Variants in ROR1 observed in about 807,000 individuals in gnomAD.
ROR1 encodes ROR family WNT receptor 1.
A neutral mutation model predicts 78.8 loss-of-function variants in ROR1; 19 were observed. The observed-to-expected ratio is 0.24, with a 90% confidence interval of 0.17 to 0.35. The LOEUF (loss-of-function observed/expected upper bound fraction) is 0.35. ROR1 is among the 10% of genes least tolerant of loss of function. The pLI, the probability that ROR1 is intolerant of heterozygous loss-of-function variation, is 1.00. For missense variants in ROR1, 917 were observed against 1,177.8 expected (o/e 0.78, Z 3.24); for synonymous variants, 386 against 433.6 (o/e 0.89, Z 1.36).
chr1:64,030,121 T>C (rs1646647633), intron 2 of ROR1, among the ~76,000 whole-genome samples: 1 of 152,178 alleles, frequency 6.6e-6, no homozygotes, highest in Admixed American at 6.5e-5. Flanking sequence ...CTTAATATGC[T>C]CCCAGTTTGC....
intron 1 of ROR1, among the ~76,000 whole-genome samples, chr1:63,957,993 C>T (rs921006938): frequency 5.9e-5 from 9 of 152,096 alleles, no homozygotes; most frequent in East Asian, 1.9e-4. Flanking sequence ...CTGCCTGCCT[C>T]GGCCTCTCAA....
Position 63,900,777 on chromosome 1 carries a change from G to A in ROR1, c.92-108528G>A, listed in dbSNP as rs114755154. Among the ~76,000 whole-genome samples, 973 of 151,878 alleles carry A rather than the reference G, an allele frequency of 6.4e-3. 8 individuals carry two copies. Among genetic ancestry groups the A allele is most frequent in the African/African-American group, 0.023 (934 of 41,404 alleles). ...GCATTATATATTAATTTAACATCTT[G>A]CTGTATGTATCTGTTTTGAAATGTA... is the stretch of plus-strand genomic sequence containing the variant. On this transcript the variant is annotated intron_variant, in intron 1 of 8. Transcript: ENST00000371079.
At chr1:64,155,365 G>T (rs182341174) in intron 7 of ROR1, among the ~76,000 whole-genome samples, 20 of 152,336 alleles carry the variant, frequency 1.3e-4, no homozygotes, top group African/African-American at 4.8e-4. Context: ...GCTGTGTAGG[G>T]AAGGAAGCAC....
intron 1 of ROR1, among the ~76,000 whole-genome samples, chr1:63,823,215 GT>G (rs1352290723): frequency 2.6e-5 from 4 of 151,736 alleles, no homozygotes; most frequent in Non-Finnish European, 4.4e-5. Context: ...TCTTTCCTTG[GT>G]CCCTCCCAAT....
intron 1 of ROR1, among the ~76,000 whole-genome samples, chr1:63,986,923 A>G (rs1646257805): frequency 1.3e-5 from 2 of 152,064 alleles, no homozygotes; most frequent in Admixed American, 1.3e-4. Context: ...AAAGAAAAGA[A>G]GTGTGACCAT....
intron 1 of ROR1, among the ~76,000 whole-genome samples, chr1:63,992,857 T>TCCTCTTCTTCCTG (rs1193000313): frequency 6.6e-6 from 1 of 152,136 alleles, no homozygotes; most frequent in Admixed American, 6.5e-5. Context: ...GTTCTCCTCC[T>TCCTCTTCTTCCTG]CCTCTTCTTC....
intron 1 of ROR1, among the ~76,000 whole-genome samples, chr1:63,826,428 CT>C (rs1644953914): frequency 2.6e-5 from 4 of 152,094 alleles, no homozygotes; most frequent in African/African-American, 9.7e-5. Flanking sequence ...TGATCTCATT[CT>C]TTTTTAGGGC....
At chr1:63,776,481 A>C (rs762651351) in intron 1 of ROR1, among the ~76,000 whole-genome samples, 16 of 152,208 alleles carry the variant, frequency 1.1e-4, no homozygotes, top group South Asian at 2.1e-4. Flanking sequence ...TGATGGGTAC[A>C]TGACTGGGGG....
intron 4 of ROR1, among the ~76,000 whole-genome samples, chr1:64,125,706 A>C (rs965218664): frequency 1.3e-5 from 2 of 152,186 alleles, no homozygotes; most frequent in African/African-American, 4.8e-5. Context: ...CGCCTAGTGC[A>C]CTTAAGAAAT....
intron 1 of ROR1, among the ~76,000 whole-genome samples, chr1:63,915,445 C>T (rs944340699): frequency 2.6e-5 from 4 of 152,078 alleles, no homozygotes; most frequent in Admixed American, 2.6e-4. Context: ...GAGGAGTGGG[C>T]AGGGTTTTTA....
At chr1:63,934,630 T>C (rs1645779647) in intron 1 of ROR1, among the ~76,000 whole-genome samples, 1 of 152,252 alleles carries the variant, frequency 6.6e-6, no homozygotes, top group Non-Finnish European at 1.5e-5. Context: ...AGGCGGAATC[T>C]AATTTAACAC....
chr1:63,900,578 A>G (rs1645477430), intron 1 of ROR1, among the ~76,000 whole-genome samples: 1 of 152,014 alleles, frequency 6.6e-6, no homozygotes, highest in Non-Finnish European at 1.5e-5. Flanking sequence ...CCCCCATCCC[A>G]TGGATTAGGA....
At chr1:64,165,701 C>CTTTTTTTTTTTTTT (rs576997668) in intron 8 of ROR1, among the ~76,000 whole-genome samples, 2 of 102,920 alleles carry the variant, frequency 1.9e-5, no homozygotes, top group Non-Finnish European at 1.9e-5. Flanking sequence ...TCGGGTTTTA[C>CTTTTTTTTTTTTTT]TTTTTTTTTT....
chr1:64,043,327 C>T (rs1012250069), intron 2 of ROR1, among the ~76,000 whole-genome samples: 1 of 152,198 alleles, frequency 6.6e-6, no homozygotes, highest in African/African-American at 2.4e-5. Flanking sequence ...TTTACTTCAT[C>T]AACCAGCGTT....
At chr1:64,115,382 A>T (rs1294150059) in intron 4 of ROR1, among the ~76,000 whole-genome samples, 1 of 151,972 alleles carries the variant, frequency 6.6e-6, no homozygotes, top group Non-Finnish European at 1.5e-5. Context: ...TGCCTGGCTA[A>T]TTTTTAATTT....
At chr1:63,836,133 C>A (rs1007127554) in intron 1 of ROR1, among the ~76,000 whole-genome samples, 3 of 152,148 alleles carry the variant, frequency 2.0e-5, no homozygotes, top group Admixed American at 2.0e-4. Flanking sequence ...GGGGTCAGGA[C>A]CATTTTGAAC....
rs529818761 is a variant in ROR1, at chr1:63,877,136, T to C, written c.91+102628T>C. On this transcript the variant is annotated intron_variant, in intron 1 of 8. Coordinates refer to ENST00000371079, the MANE Select transcript of ROR1 (RefSeq NM_005012.4). Reference sequence around the variant, plus strand: ...ATTTCCCCTTACATGCTTGGTTTAATGGAAAGGGCCTGGCTTTCAGTTTTG... The same window carrying C: ...ATTTCCCCTTACATGCTTGGTTTAACGGAAAGGGCCTGGCTTTCAGTTTTG... Among the ~76,000 whole-genome samples the C allele has an allele frequency of 2.6e-5, 4 of 152,276 alleles. 1 individual carries two copies. Among genetic ancestry groups the C allele is most frequent in the African/African-American group, 9.6e-5 (4 of 41,562 alleles).
intron 4 of ROR1, 95 bp downstream of exon 4, chr1:64,050,811 C>T (rs1378110675): frequency 1.7e-6 from 2 of 1,208,538 alleles, no homozygotes; most frequent in Non-Finnish European, 2.5e-6. Context: ...AGCCAAAATA[C>T]TGGCTTCCAG....
chr1:64,143,457 T>C, intron 7 of ROR1: 4 of 963,740 alleles, frequency 4.2e-6, no homozygotes, highest in South Asian at 9.6e-5. Flanking sequence ...CTCATAGATA[T>C]CATAGATAAT....
Sources: gnomAD v4.1 joint callset for allele counts (sites outside exome capture counted in the v4.1 genomes callset) on GRCh38, gnomAD v4.1.1 for gene constraint, MANE v1.5 for transcripts, NCBI Gene and HGNC (gene_info 2026-07-23, HGNC 2026-07-21) for gene names.